The following KPNA5 variants were observed in gnomAD, a reference collection of about 807,000 sequenced individuals.
The protein encoded by KPNA5 is importin subunit alpha-6.
A neutral mutation model predicts 71.3 loss-of-function variants in KPNA5; 46 were observed. That is an observed-to-expected ratio of 0.65 (90% confidence interval 0.51 to 0.83). The LOEUF (loss-of-function observed/expected upper bound fraction) is 0.83, where lower values mean the gene tolerates loss of function less well. KPNA5 is among the 40% of genes least tolerant of loss of function. The pLI is 0.00. For missense variants in KPNA5, 547 were observed against 628.3 expected (o/e 0.87, Z 1.38); for synonymous variants, 207 against 201.4 (o/e 1.03, Z -0.24).
chr6:116,690,751 G>T (rs1256651178), intron 2 of KPNA5, among the ~76,000 whole-genome samples: 2 of 151,960 alleles, frequency 1.3e-5, no homozygotes, highest in African/African-American at 4.8e-5. Flanking sequence ...TTATCCCTTG[G>T]TTCCAGGATC....
intron 7 of KPNA5, among the ~76,000 whole-genome samples, chr6:116,713,705 CTG>C (rs1778786453): frequency 6.6e-6 from 1 of 152,100 alleles, no homozygotes; most frequent in African/African-American, 2.4e-5. Flanking sequence ...CTTTCTTAGA[CTG>C]TGTTCATTTC....
chr6:116,726,667 A>G (rs776929668), intron 12 of KPNA5, 45 bp downstream of exon 12: 6 of 1,435,122 alleles, frequency 4.2e-6, no homozygotes, highest in Non-Finnish European at 5.6e-6. Context: ...TAAATGAGAC[A>G]AAAGTTGAAA....
rs1377746572 is a variant in KPNA5, at chr6:116,734,829, C to T, written c.*2506C>T. ...GGAGGAAAAATACTTTTTTAACTTG[C>T]TTTTCTAAGATTTGTTATATTTAAA... On this transcript the variant is annotated 3_prime_UTR_variant, in exon 14 of 14. Transcript: ENST00000368564. 1 of 151,376 alleles carries T rather than the reference C, an allele frequency of 6.6e-6. No individual in the cohort carries two copies. Among genetic ancestry groups the T allele is most frequent in the African/African-American group, 2.4e-5 (1 of 41,314 alleles). The allele number at this position is 151,376 out of a possible 1,614,324, so 9.4% of individuals were successfully genotyped here.
chr6:116,686,464 G>A (rs1482312995), intron 1 of KPNA5, among the ~76,000 whole-genome samples: 1 of 152,216 alleles, frequency 6.6e-6, no homozygotes, highest in East Asian at 1.9e-4. Flanking sequence ...TTTATCAGAT[G>A]CATAGTTTGC....
chr6:116,684,690 C>A (rs935782662), intron 1 of KPNA5, among the ~76,000 whole-genome samples: 2 of 152,146 alleles, frequency 1.3e-5, no homozygotes, highest in Admixed American at 1.3e-4. Flanking sequence ...TCTTCTGTAG[C>A]TCTACATGAT....
intron 7 of KPNA5, among the ~76,000 whole-genome samples, chr6:116,714,763 C>T (rs1778821931): frequency 6.6e-6 from 1 of 152,102 alleles, no homozygotes; most frequent in African/African-American, 2.4e-5. Context: ...AGCTACTTTT[C>T]CACCCTGAGA....
intron 4 of KPNA5, among the ~76,000 whole-genome samples, chr6:116,697,641 A>T (rs1185748832): frequency 6.6e-6 from 1 of 152,060 alleles, no homozygotes; most frequent in African/African-American, 2.4e-5. Context: ...TATGATCAGT[A>T]ACACAGTCAA....
At chr6:116,707,865 G>T (rs1403117234) in intron 7 of KPNA5, among the ~76,000 whole-genome samples, 1 of 152,112 alleles carries the variant, frequency 6.6e-6, no homozygotes, top group African/African-American at 2.4e-5. Flanking sequence ...TCTAGTTCCA[G>T]AATTTTTTTA....
At chr6:116,712,553 A>G (rs1301292896) in intron 7 of KPNA5, among the ~76,000 whole-genome samples, 1 of 152,190 alleles carries the variant, frequency 6.6e-6, no homozygotes, top group East Asian at 1.9e-4. Context: ...GCCAGTTACT[A>G]CTTTTAATTT....
intron 12 of KPNA5, among the ~76,000 whole-genome samples, chr6:116,728,847 A>G (rs1779373588): frequency 6.6e-6 from 1 of 152,098 alleles, no homozygotes; most frequent in Admixed American, 6.6e-5. Context: ...GTATGTTTTT[A>G]ACCTTTGTAC....
At chr6:116,723,566 G>T (rs984145680) in intron 9 of KPNA5, among the ~76,000 whole-genome samples, 43 of 152,206 alleles carry the variant, frequency 2.8e-4, no homozygotes, top group African/African-American at 9.9e-4. Flanking sequence ...ATTTGAAGGG[G>T]TTCTCACTAT....
chr6:116,706,445 C>T (rs1778438144), intron 7 of KPNA5, among the ~76,000 whole-genome samples: 1 of 151,210 alleles, frequency 6.6e-6, no homozygotes, highest in South Asian at 2.1e-4. Context: ...ATCCCAGCAC[C>T]CTGGGAGGCC....
In KPNA5 at chr6:116,697,151, G is replaced by A. The variant is rs187210365; in HGVS notation, c.341-1553G>A. On this transcript the variant is annotated intron_variant, in intron 4 of 13. Coordinates refer to ENST00000368564, the MANE Select transcript of KPNA5 (RefSeq NM_001366306.2). ...ATTTATGATTTGCTTTGGAAATAAAGGAAAAACAAGAAAGTGCAGGTGATA... is the reference window on the plus strand; with the variant it reads ...ATTTATGATTTGCTTTGGAAATAAAAGAAAAACAAGAAAGTGCAGGTGATA... Among the ~76,000 whole-genome samples the A allele has an allele frequency of 2.2e-4, 33 of 151,972 alleles. No individual in the cohort carries two copies. In the East Asian group the frequency reaches 6.4e-3, roughly 29 times the overall value.
rs534260723 is a variant in KPNA5, at chr6:116,733,403, G to A, written c.*1080G>A. ...TAAATGATAATGAAAATTGCTAAAG[G>A]TTCTTTAATATGGTTCAAATCTATA... On this transcript the variant is annotated 3_prime_UTR_variant, in exon 14 of 14. Coordinates refer to ENST00000368564, the MANE Select transcript of KPNA5 (RefSeq NM_001366306.2). 1 of 151,586 alleles carries A rather than the reference G, an allele frequency of 6.6e-6. No homozygotes were observed. Among genetic ancestry groups the A allele is most frequent in the Non-Finnish European group, 1.5e-5 (1 of 67,630 alleles). 9.4% of individuals were successfully genotyped at this position (151,586 alleles called of 1,614,324 possible).
At chr6:116,681,701 C>A in intron 1 of KPNA5, 1 of 272,452 alleles carries the variant, frequency 3.7e-6, no homozygotes, top group Non-Finnish European at 5.9e-6. Context: ...TCAGCTGTGT[C>A]CAGCAGCTTA....
chr6:116,712,357 A>C (rs1778730461), intron 7 of KPNA5, among the ~76,000 whole-genome samples: 1 of 152,060 alleles, frequency 6.6e-6, no homozygotes, highest in Non-Finnish European at 1.5e-5. Context: ...AACTATTCGG[A>C]TCTCTGTTAT....
chr6:116,684,602 C>G (rs529051409), intron 1 of KPNA5, among the ~76,000 whole-genome samples: 4 of 152,284 alleles, frequency 2.6e-5, no homozygotes, highest in African/African-American at 9.6e-5. Flanking sequence ...CTCTGACCTA[C>G]TTCTTTTTGG....
intron 8 of KPNA5, 135 bp downstream of exon 8, chr6:116,716,453 A>G (rs2243367): frequency 0.25 from 166,649 of 674,530 alleles, 21,974 homozygotes; most frequent in Non-Finnish European, 0.28. Context: ...TTGCACATAT[A>G]CAGTATTCAA....
At chr6:116,699,573 C>T (rs1055443496) in intron 5 of KPNA5, among the ~76,000 whole-genome samples, 15 of 152,056 alleles carry the variant, frequency 9.9e-5, no homozygotes, top group African/African-American at 3.4e-4. Flanking sequence ...AAGATCCTCA[C>T]GTTTTAGGTG....
Sources: gnomAD v4.1 joint callset for allele counts (sites outside exome capture counted in the v4.1 genomes callset) on GRCh38, gnomAD v4.1.1 for gene constraint, MANE v1.5 for transcripts, NCBI Gene and HGNC (gene_info 2026-07-23, HGNC 2026-07-21) for gene names.